DTD1: variants seen among roughly 807,000 people sequenced by gnomAD.
DTD1 encodes the protein D-tyrosyl-tRNA deacylase 1 homolog.
In DTD1, 13 loss-of-function variants were observed where a neutral mutation model predicts 25.6. The ratio of observed to expected loss-of-function variants is 0.51; its 90% CI spans 0.33 to 0.81. DTD1 has a LOEUF of 0.81. DTD1 is among the 30% of genes least tolerant of loss of function. The probability of loss-of-function intolerance (pLI) is 0.02; values close to 1 mark genes in which losing one functional copy is unlikely to be tolerated. For missense variants in DTD1, 193 were observed against 266.4 expected (o/e 0.72, Z 1.92); for synonymous variants, 110 against 103.6 (o/e 1.06, Z -0.37).
intron 3 of DTD1, among the ~76,000 whole-genome samples, chr20:18,621,931 G>A (rs989624222): frequency 8.5e-5 from 13 of 152,110 alleles, no homozygotes; most frequent in Admixed American, 4.6e-4. Flanking sequence ...GGGCATGGTG[G>A]TGGGCGCCTG....
At chr20:18,657,812 C>T (rs751881380) in intron 4 of DTD1, among the ~76,000 whole-genome samples, 4 of 152,180 alleles carry the variant, frequency 2.6e-5, no homozygotes, top group Non-Finnish European at 4.4e-5. Context: ...TCCACGTGGG[C>T]CTCCCCATAG....
At chr20:18,606,095 A>G (rs2060656048) in intron 3 of DTD1, among the ~76,000 whole-genome samples, 1 of 145,022 alleles carries the variant, frequency 6.9e-6, no homozygotes, top group Admixed American at 7.0e-5. Flanking sequence ...AAAACAAACA[A>G]CCCCATCAAA....
At chr20:18,708,294 TATAA>T (rs1447069456) in intron 4 of DTD1, among the ~76,000 whole-genome samples, 5 of 60,904 alleles carry the variant, frequency 8.2e-5, no homozygotes, top group South Asian at 4.4e-4. Flanking sequence ...ATTATATATA[TATAA>T]TATATATATT....
At chr20:18,734,544 T>C (rs1344223474) in intron 4 of DTD1, among the ~76,000 whole-genome samples, 2 of 152,236 alleles carry the variant, frequency 1.3e-5, no homozygotes, top group Non-Finnish European at 2.9e-5. Flanking sequence ...TGGTGGAAAG[T>C]TGCCTTCCAG....
chr20:18,616,909 G>A (rs1003315986), intron 3 of DTD1, among the ~76,000 whole-genome samples: 8 of 152,220 alleles, frequency 5.3e-5, no homozygotes, highest in Non-Finnish European at 1.0e-4. Context: ...TTGTGATTTT[G>A]TGCAATGAAT....
In DTD1 at chr20:18,729,781, C is replaced by T. The variant is rs535787590; in HGVS notation, c.478-14319C>T. 3.3e-5 allele frequency among the ~76,000 whole-genome samples: 5 copies of T among 152,346 alleles called. No homozygotes were observed. In the East Asian group the frequency reaches 9.7e-4, roughly 29 times the overall value. ...CCCAGCCTAAGAAGCAGAGCGACTT[C>T]CATACCCAGGGCCTTCCTGCCTCCT... On this transcript the variant is annotated intron_variant, in intron 4 of 5. Transcript: ENST00000377452.
At chr20:18,684,880 C>A (rs1025401274) in intron 4 of DTD1, among the ~76,000 whole-genome samples, 2 of 151,820 alleles carry the variant, frequency 1.3e-5, no homozygotes, top group East Asian at 3.9e-4. Context: ...AGGGCTCAGC[C>A]CCACTAAGGC....
At chr20:18,662,477 G>T (rs1474357169) in intron 4 of DTD1, among the ~76,000 whole-genome samples, 1 of 152,160 alleles carries the variant, frequency 6.6e-6, no homozygotes, top group Non-Finnish European at 1.5e-5. Flanking sequence ...AGTAAAATCA[G>T]AACCAGACCT....
intron 4 of DTD1, among the ~76,000 whole-genome samples, chr20:18,636,737 G>T (rs1205343873): frequency 1.3e-5 from 2 of 152,146 alleles, no homozygotes; most frequent in Non-Finnish European, 2.9e-5. Context: ...TGGGAAAAAG[G>T]GGACCAGGAC....
chr20:18,632,013 A>T, intron 4 of DTD1: 3 of 840,024 alleles, frequency 3.6e-6, no homozygotes, highest in Non-Finnish European at 4.3e-6. Flanking sequence ...GTGCACTGGG[A>T]GTAGATTTAG....
intron 3 of DTD1, among the ~76,000 whole-genome samples, chr20:18,620,968 T>C (rs576742083): frequency 2.1e-4 from 32 of 152,352 alleles, no homozygotes; most frequent in African/African-American, 6.3e-4. Context: ...CCAACTTCTA[T>C]TGATAACATT....
chr20:18,601,747 G>T (rs1185161537), intron 3 of DTD1, among the ~76,000 whole-genome samples: 1 of 152,086 alleles, frequency 6.6e-6, no homozygotes, highest in East Asian at 1.9e-4. Context: ...CAAACAGAAA[G>T]GACATCCACA....
chr20:18,745,348 G>C (rs569942757), intron 5 of DTD1, among the ~76,000 whole-genome samples: 2 of 152,300 alleles, frequency 1.3e-5, no homozygotes, highest in Admixed American at 6.5e-5. Context: ...CTCCCACCAG[G>C]GAACCTGTTT....
chr20:18,684,009 C>T (rs2061007077), intron 4 of DTD1, among the ~76,000 whole-genome samples: 3 of 152,180 alleles, frequency 2.0e-5, no homozygotes, highest in Admixed American at 2.0e-4. Context: ...TGAGGCTCTG[C>T]AAAGCCTGGA....
intron 4 of DTD1, chr20:18,630,471 G>T (rs6045525): frequency 1 from 152,003 of 152,146 alleles, 75,931 homozygotes; most frequent in Middle Eastern, 1. Flanking sequence ...GCCATTCTTC[G>T]GCCTAAGCCT....
At chr20:18,718,670 TTCTA>T (rs760363931) in intron 4 of DTD1, among the ~76,000 whole-genome samples, 9 of 152,218 alleles carry the variant, frequency 5.9e-5, no homozygotes, top group Non-Finnish European at 1.2e-4. Flanking sequence ...TTTTGTATGG[TTCTA>T]TCTAATATAA....
intron 5 of DTD1, among the ~76,000 whole-genome samples, chr20:18,745,600 G>A (rs989211761): frequency 6.6e-6 from 1 of 152,220 alleles, no homozygotes; most frequent in Non-Finnish European, 1.5e-5. Flanking sequence ...AAGGGCAGGG[G>A]AGAGCTGCCT....
intron 3 of DTD1, among the ~76,000 whole-genome samples, chr20:18,597,452 A>G (rs552225861): frequency 6.6e-6 from 1 of 152,296 alleles, no homozygotes; most frequent in South Asian, 2.1e-4. Flanking sequence ...AACCATTGCC[A>G]CAATCTAATT....
At chr20:18,735,323 C>G (rs2061251414) in intron 4 of DTD1, among the ~76,000 whole-genome samples, 1 of 152,210 alleles carries the variant, frequency 6.6e-6, no homozygotes, top group Admixed American at 6.5e-5. Flanking sequence ...AGAATGGAAA[C>G]AGGGTGTGCT....
Sources: allele counts gnomAD v4.1 joint callset (sites outside exome capture counted in the v4.1 genomes callset), GRCh38; gene constraint gnomAD v4.1.1; transcripts MANE v1.5; gene names NCBI Gene and HGNC (gene_info 2026-07-23, HGNC 2026-07-21).